MLLT3: variants seen among roughly 807,000 people sequenced by gnomAD.
MLLT3 encodes protein AF-9.
A neutral mutation model predicts 53.2 loss-of-function variants in MLLT3; 4 were observed. That is an observed-to-expected ratio of 0.08 (90% CI 0.04 to 0.17). MLLT3 has a LOEUF of 0.17. Among genes scored for constraint, MLLT3 ranks in the 10% least tolerant of loss-of-function variants. The pLI is 1.00. For missense variants in MLLT3, 569 were observed against 684.0 expected (o/e 0.83, Z 1.87); for synonymous variants, 283 against 230.6 (o/e 1.23, Z -2.06).
intron 2 of MLLT3, among the ~76,000 whole-genome samples, chr9:20,541,974 A>G (rs962622313): frequency 1.3e-5 from 2 of 152,220 alleles, no homozygotes; most frequent in African/African-American, 4.8e-5. Context: ...ACAAATGTTC[A>G]TAATGGCATC....
Position 20,565,863 on chromosome 9 carries a change from C to T in MLLT3, c.193+54791G>A, listed in dbSNP as rs141210967. Among the ~76,000 whole-genome samples the T allele has an allele frequency of 4.4e-3, 644 of 145,580 alleles. 4 individuals are homozygous for T. The highest frequency in any genetic ancestry group is 5.4e-3 in the Non-Finnish European group (364 of 66,962). ...ATTCTAGTCCCTCTTCAGAAAAAGTCCACTCTCTATATCCTCACTTCCTCC... is the reference window on the plus strand; with the variant it reads ...ATTCTAGTCCCTCTTCAGAAAAAGTTCACTCTCTATATCCTCACTTCCTCC... On this transcript the variant is annotated intron_variant, in intron 2 of 10. Coordinates refer to ENST00000380338, the MANE Select transcript of MLLT3 (RefSeq NM_004529.4).
chr9:20,470,894 T>G (rs887931893), intron 2 of MLLT3, among the ~76,000 whole-genome samples: 1 of 152,050 alleles, frequency 6.6e-6, no homozygotes. Flanking sequence ...ATAAGTCATT[T>G]TCTTTCCTAC....
In MLLT3 at chr9:20,413,958, T is replaced by A. The variant is rs144983082; in HGVS notation, c.888A>T (p.Lys296Asn). 1 of 1,613,742 alleles carries A rather than the reference T, an allele frequency of 6.2e-7. No individual in the cohort carries two copies. Among genetic ancestry groups the A allele is most frequent in the East Asian group, 2.2e-5 (1 of 44,880 alleles). ...CCTCTGAGCTACTCTTTTTCCTTTT[T>A]TTGGCTGAGAGTTCTTCAGAATCTG... ...PISDSEELSA[K>N]KRKKSSSEAL... Residue 296 changes from lysine to asparagine, a missense_variant, in exon 5 of 11, where the codon AAA becomes AAT. Coordinates refer to ENST00000380338, the MANE Select transcript of MLLT3 (RefSeq NM_004529.4).
At chr9:20,389,379 G>A (rs1366792473) in intron 5 of MLLT3, among the ~76,000 whole-genome samples, 1 of 152,186 alleles carries the variant, frequency 6.6e-6, no homozygotes, top group Non-Finnish European at 1.5e-5. Flanking sequence ...GGAGATAAGA[G>A]AATTGAGAGT....
chr9:20,489,003 T>C (rs950662952), intron 2 of MLLT3, among the ~76,000 whole-genome samples: 1 of 152,188 alleles, frequency 6.6e-6, no homozygotes, highest in Admixed American at 6.5e-5. Flanking sequence ...ATCTGTCTTC[T>C]TGGGGGGAAG....
intron 2 of MLLT3, among the ~76,000 whole-genome samples, chr9:20,490,452 G>A (rs530268880): frequency 2.0e-5 from 3 of 152,326 alleles, no homozygotes; most frequent in Non-Finnish European, 4.4e-5. Context: ...CTGGAGAGAT[G>A]CCTCTAGTTG....
At chr9:20,413,514 A>G (rs922681592) in intron 5 of MLLT3, among the ~76,000 whole-genome samples, 1 of 152,234 alleles carries the variant, frequency 6.6e-6, no homozygotes, top group African/African-American at 2.4e-5. Flanking sequence ...AACAACTTAA[A>G]TAACAGCCTA....
At chr9:20,560,783 T>C (rs1234871523) in intron 2 of MLLT3, among the ~76,000 whole-genome samples, 2 of 152,120 alleles carry the variant, frequency 1.3e-5, no homozygotes, top group African/African-American at 2.4e-5. Flanking sequence ...TTATTTTTCT[T>C]TCATTGATAC....
rs977602514 is a variant in MLLT3, at chr9:20,561,483, G to T, written c.193+59171C>A. On this transcript the variant is annotated intron_variant, in intron 2 of 10. Transcript: ENST00000380338. Reference sequence around the variant, plus strand: ...AGAACTATTATCCTTCTATGCTAATGATTGCTGGTTTTAATCATCGTCCTT... The same window carrying T: ...AGAACTATTATCCTTCTATGCTAATTATTGCTGGTTTTAATCATCGTCCTT... Among the ~76,000 whole-genome samples the T allele has an allele frequency of 2.0e-5, 3 of 152,150 alleles. 1 individual carries two copies. Among genetic ancestry groups the T allele is most frequent in the East Asian group, 3.9e-4 (2 of 5,192 alleles).
chr9:20,514,511 T>A (rs895176894), intron 2 of MLLT3, among the ~76,000 whole-genome samples: 3 of 151,462 alleles, frequency 2.0e-5, no homozygotes, highest in Admixed American at 2.0e-4. Context: ...TTTTATTATT[T>A]TTTTATTTTT....
chr9:20,590,315 C>T (rs1820096074), intron 2 of MLLT3, among the ~76,000 whole-genome samples: 1 of 152,152 alleles, frequency 6.6e-6, no homozygotes, highest in South Asian at 2.1e-4. Flanking sequence ...CAGACAGAGT[C>T]CCTATACTTA....
Position 20,346,160 on chromosome 9 carries a change from T to C in MLLT3, c.*283A>G, listed in dbSNP as rs1334657718. 1 of 346,306 alleles carries C rather than the reference T, an allele frequency of 2.9e-6. No individual in the cohort carries two copies. Among genetic ancestry groups the C allele is most frequent in the Non-Finnish European group, 5.3e-6 (1 of 189,082 alleles). 21.5% of individuals were successfully genotyped at this position (346,306 alleles called of 1,614,324 possible). On this transcript the variant is annotated 3_prime_UTR_variant, in exon 11 of 11. Transcript: ENST00000380338. The stretch of plus-strand genomic sequence containing the variant: ...GTTTTCTTGTGTTGTGTTTGATTTG[T>C]TTGTTTTCAAGGCTATCCAGGCTAA...
At chr9:20,543,405 T>G (rs117444722) in intron 2 of MLLT3, among the ~76,000 whole-genome samples, 4,673 of 152,340 alleles carry the variant, frequency 0.031, 87 homozygotes, top group Middle Eastern at 0.044. Flanking sequence ...TACATGGGTA[T>G]GGCTTATGGT....
chr9:20,520,427 T>A (rs1383854022), intron 2 of MLLT3, among the ~76,000 whole-genome samples: 55 of 151,880 alleles, frequency 3.6e-4, no homozygotes, highest in Non-Finnish European at 4.4e-5. Context: ...AGCTCACAAA[T>A]CCTATCAATG....
At chr9:20,408,701 T>G (rs544783495) in intron 5 of MLLT3, among the ~76,000 whole-genome samples, 1 of 152,248 alleles carries the variant, frequency 6.6e-6, no homozygotes, top group African/African-American at 2.4e-5. Context: ...AAAAGCCACT[T>G]TGAAAACACA....
At position 20,438,331 on chromosome 9, in the gene MLLT3, T is replaced by G. The variant is rs1424585841; in HGVS notation, c.420+9792A>C. On this transcript the variant is annotated intron_variant, in intron 4 of 10. Coordinates refer to ENST00000380338, the MANE Select transcript of MLLT3 (RefSeq NM_004529.4). ...GGAAGTGTGGCCAATGGGATGAGGA[T>G]TAGCTGAAATTCAGCTACACTATGC... is the stretch of plus-strand genomic sequence containing the variant. Among the ~76,000 whole-genome samples, 5 of 152,210 alleles carry G rather than the reference T, an allele frequency of 3.3e-5. 1 individual carries two copies. Among genetic ancestry groups the G allele is most frequent in the African/African-American group, 1.2e-4 (5 of 41,458 alleles).
chr9:20,524,038 G>A (rs1484168549), intron 2 of MLLT3, among the ~76,000 whole-genome samples: 3 of 151,846 alleles, frequency 2.0e-5, no homozygotes, highest in Non-Finnish European at 4.4e-5. Context: ...GGAAGTGGCA[G>A]GGAGAAGGGA....
At chr9:20,440,452 A>G (rs1184626889) in intron 4 of MLLT3, among the ~76,000 whole-genome samples, 1 of 152,156 alleles carries the variant, frequency 6.6e-6, no homozygotes, top group Non-Finnish European at 1.5e-5. Context: ...GAAAACAGGC[A>G]GAAAACAAAA....
Position 20,610,895 on chromosome 9 carries a change from T to C in MLLT3, c.193+9759A>G, listed in dbSNP as rs184586897. On this transcript the variant is annotated intron_variant, in intron 2 of 10. Coordinates refer to ENST00000380338, the MANE Select transcript of MLLT3 (RefSeq NM_004529.4). ...GACAATCTTGAACTGGGTCAACATT[T>C]TCAAATAACGTGTTCCACTCAATGC... Among the ~76,000 whole-genome samples, 452 of 152,206 alleles carry C rather than the reference T, an allele frequency of 3.0e-3. 3 individuals carry two copies. Among genetic ancestry groups the C allele is most frequent in the African/African-American group, 0.01 (426 of 41,566 alleles).
Sources: allele counts gnomAD v4.1 joint callset (sites outside exome capture counted in the v4.1 genomes callset), GRCh38; gene constraint gnomAD v4.1.1; transcripts MANE v1.5; gene names NCBI Gene and HGNC (gene_info 2026-07-23, HGNC 2026-07-21).